VWA3B: variants seen among roughly 807,000 people sequenced by gnomAD.
VWA3B encodes von Willebrand factor A domain-containing protein 3B.
A neutral mutation model predicts 158.3 loss-of-function variants in VWA3B; 138 were observed. The ratio of observed to expected loss-of-function variants is 0.87; its 90% confidence interval spans 0.76 to 1.00. The LOEUF (loss-of-function observed/expected upper bound fraction) is 1.00. Ranked by LOEUF, VWA3B falls within the 50% of genes least tolerant of loss-of-function variation. The pLI, the probability that VWA3B is intolerant of heterozygous loss-of-function variation, is 0.00. For missense variants in VWA3B, 1,555 were observed against 1,565.1 expected (o/e 0.99, Z 0.11); for synonymous variants, 596 against 587.3 (o/e 1.01, Z -0.21).
chr2:98,192,783 G>A (rs1681701250), intron 10 of VWA3B, 115 bp from the exon 11 acceptor site: 3 of 1,423,716 alleles, frequency 2.1e-6, no homozygotes, highest in Admixed American at 1.8e-5. Context: ...AGAAGATTGG[G>A]TATAAACAAC....
chr2:98,263,240 G>A (rs917583900), intron 21 of VWA3B, among the ~76,000 whole-genome samples: 2 of 151,840 alleles, frequency 1.3e-5, no homozygotes, highest in East Asian at 1.9e-4. Flanking sequence ...TTTCTAATTT[G>A]GATATTGCTC....
chr2:98,129,135 TC>T (rs1675615451), intron 6 of VWA3B, among the ~76,000 whole-genome samples: 1 of 152,076 alleles, frequency 6.6e-6, no homozygotes, highest in African/African-American at 2.4e-5. Context: ...GAGGTCTCTC[TC>T]CCCGCCTTGT....
chr2:98,099,315 C>T (rs1022687568), intron 2 of VWA3B: 2 of 152,112 alleles, frequency 1.3e-5, no homozygotes, highest in Middle Eastern at 3.2e-3. Context: ...CTTTATCTCT[C>T]CTTCATTTGG....
chr2:98,266,984 G>T (rs1325210746), intron 21 of VWA3B, among the ~76,000 whole-genome samples: 1 of 150,624 alleles, frequency 6.6e-6, no homozygotes, highest in Admixed American at 6.6e-5. Flanking sequence ...CAATCATGTC[G>T]TCTGCAAACA....
intron 26 of VWA3B, among the ~76,000 whole-genome samples, chr2:98,309,892 C>T (rs778718041): frequency 1.3e-5 from 2 of 152,150 alleles, no homozygotes; most frequent in Non-Finnish European, 2.9e-5. Context: ...CCCTGAAAAA[C>T]GTGCAGTTCA....
Position 98,249,292 on chromosome 2 carries a change from A to G in VWA3B, c.2674-1026A>G, listed in dbSNP as rs115612428. The stretch of plus-strand genomic sequence containing the variant: ...TCTAAGTGATAGGAATACAGTAGTG[A>G]ATAGCACAACATTTCTTGTCTTATG... On this transcript the variant is annotated intron_variant, in intron 19 of 27. Coordinates refer to ENST00000477737, the MANE Select transcript of VWA3B (RefSeq NM_144992.5). Among the ~76,000 whole-genome samples the G allele has an allele frequency of 4.6e-3, 693 of 152,280 alleles. 5 individuals are homozygous for G. Among genetic ancestry groups the G allele is most frequent in the Non-Finnish European group, 7.3e-3 (499 of 68,024 alleles).
At chr2:98,188,183 A>G in intron 10 of VWA3B, 54 bp downstream of exon 10, 1 of 1,553,012 alleles carries the variant, frequency 6.4e-7, no homozygotes, top group Non-Finnish European at 8.7e-7. Flanking sequence ...GGACATTCTC[A>G]TCTGCTTGAT....
chr2:98,212,827 A>G (rs1011132089), intron 13 of VWA3B, among the ~76,000 whole-genome samples: 1 of 356 alleles, frequency 2.8e-3, no homozygotes, highest in Non-Finnish European at 5.8e-3. Flanking sequence ...TTTCCTATCA[A>G]CTTACTGTGT....
chr2:98,156,055 G>A (rs980710696), intron 7 of VWA3B, among the ~76,000 whole-genome samples: 3 of 152,176 alleles, frequency 2.0e-5, no homozygotes, highest in Non-Finnish European at 4.4e-5. Context: ...TGGGGCCTAG[G>A]AATCTGCACT....
chr2:98,285,913 A>G (rs931279605), intron 22 of VWA3B, among the ~76,000 whole-genome samples: 5 of 152,110 alleles, frequency 3.3e-5, no homozygotes, highest in African/African-American at 1.2e-4. Flanking sequence ...ATCCATGAAC[A>G]TGGTATGTCA....
chr2:98,318,972 A>G, the VWA3B span, among the ~76,000 whole-genome samples: 2 of 152,190 alleles, frequency 1.3e-5, no homozygotes, highest in Non-Finnish European at 2.9e-5. Context: ...TCAGCCCTCC[A>G]TATTTATGGG....
At chr2:98,121,721 G>T (rs1158912283) in intron 5 of VWA3B, among the ~76,000 whole-genome samples, 1 of 152,062 alleles carries the variant, frequency 6.6e-6, no homozygotes, top group Non-Finnish European at 1.5e-5. Context: ...AGCCAGTGTC[G>T]GGAGAGCCGA....
intron 7 of VWA3B, among the ~76,000 whole-genome samples, chr2:98,137,015 A>G (rs1676338469): frequency 6.6e-6 from 1 of 152,228 alleles, no homozygotes; most frequent in Non-Finnish European, 1.5e-5. Context: ...AGTCCATTAT[A>G]TGGATATACC....
At chr2:98,212,105 C>A (rs1037746188) in intron 13 of VWA3B, 77 bp downstream of exon 13, 3 of 1,321,816 alleles carry the variant, frequency 2.3e-6, no homozygotes, top group African/African-American at 2.9e-5. Flanking sequence ...TCTGGGGGAC[C>A]TTTTCAGCTG....
intron 19 of VWA3B, among the ~76,000 whole-genome samples, chr2:98,248,863 C>CTTTCT (rs1558724347): frequency 4.1e-5 from 2 of 49,096 alleles, no homozygotes; most frequent in African/African-American, 2.3e-4. Flanking sequence ...TTCTTTCTTT[C>CTTTCT]TTTCTTTCTT....
At chr2:98,169,523 C>T (rs1206116144) in intron 8 of VWA3B, among the ~76,000 whole-genome samples, 1 of 151,840 alleles carries the variant, frequency 6.6e-6, no homozygotes, top group Non-Finnish European at 1.5e-5. Flanking sequence ...AGATGATAAA[C>T]ATAAATCTAA....
intron 19 of VWA3B, among the ~76,000 whole-genome samples, chr2:98,237,153 G>T (rs1685757366): frequency 6.6e-6 from 1 of 152,274 alleles, no homozygotes; most frequent in South Asian, 2.1e-4. Context: ...TCCAGCCTGG[G>T]TGACAAAGCG....
intron 7 of VWA3B, among the ~76,000 whole-genome samples, chr2:98,147,270 T>G (rs1473846773): frequency 6.6e-6 from 1 of 152,150 alleles, no homozygotes; most frequent in East Asian, 1.9e-4. Flanking sequence ...CTCATTAGTA[T>G]GAGGCTGGGG....
chr2:98,136,644 T>C (rs2105069132), intron 7 of VWA3B, among the ~76,000 whole-genome samples: 1 of 151,410 alleles, frequency 6.6e-6, no homozygotes, highest in Non-Finnish European at 1.5e-5. Flanking sequence ...CTTCAGCCTC[T>C]TTTATAAGAG....
Sources: allele counts gnomAD v4.1 joint callset (sites outside exome capture counted in the v4.1 genomes callset), GRCh38; gene constraint gnomAD v4.1.1; transcripts MANE v1.5; gene names NCBI Gene and HGNC (gene_info 2026-07-23, HGNC 2026-07-21).